SGCD: variants seen among roughly 807,000 people sequenced by gnomAD.
SGCD encodes sarcoglycan delta.
SGCD carries 18 observed loss-of-function variants against 36.6 expected under a neutral mutation model. The observed-to-expected ratio is 0.49, with a 90% CI of 0.34 to 0.73. SGCD has a LOEUF of 0.73. SGCD is among the 30% of genes least tolerant of loss of function. The probability of loss-of-function intolerance (pLI) is 0.01; values close to 1 mark genes in which losing one functional copy is unlikely to be tolerated. For missense variants in SGCD, 387 were observed against 346.7 expected (o/e 1.12, Z -0.92); for synonymous variants, 133 against 130.6 (o/e 1.02, Z -0.12).
intron 3 of SGCD, among the ~76,000 whole-genome samples, chr5:156,230,334 C>T (rs1037090345): frequency 2.6e-5 from 4 of 152,110 alleles, no homozygotes; most frequent in South Asian, 2.1e-4. Context: ...GGTTTAGGGC[C>T]GAAGGCTCTT....
the SGCD span, among the ~76,000 whole-genome samples, chr5:155,733,244 T>A: frequency 2.0e-5 from 3 of 152,110 alleles, no homozygotes; most frequent in Non-Finnish European, 4.4e-5. Context: ...TTATTAAGCT[T>A]TTGACTCCCT....
At chr5:156,027,999 A>G (rs1484002735) in intron 1 of SGCD, among the ~76,000 whole-genome samples, 1 of 152,208 alleles carries the variant, frequency 6.6e-6, no homozygotes, top group Non-Finnish European at 1.5e-5. Context: ...AGCTTCTTTA[A>G]TAAGATGTGA....
At chr5:156,332,239 A>G (rs1768104000) in intron 2 of SGCD, among the ~76,000 whole-genome samples, 1 of 152,334 alleles carries the variant, frequency 6.6e-6, no homozygotes, top group East Asian at 1.9e-4. Flanking sequence ...GGCTTGGACT[A>G]TAGGTACATT....
At chr5:156,555,696 G>C (rs1350928222) in intron 4 of SGCD, among the ~76,000 whole-genome samples, 2 of 148,746 alleles carry the variant, frequency 1.3e-5, no homozygotes, top group Non-Finnish European at 3.0e-5. Flanking sequence ...AGGTTGTTTT[G>C]ACTATTTGGG....
intron 3 of SGCD, among the ~76,000 whole-genome samples, chr5:156,426,035 C>G (rs1198292134): frequency 6.6e-6 from 1 of 152,058 alleles, no homozygotes; most frequent in East Asian, 1.9e-4. Context: ...GTGCATGGGT[C>G]TCTTTCATGT....
chr5:155,956,637 G>A (rs1451015138), intron 1 of SGCD, among the ~76,000 whole-genome samples: 2 of 152,090 alleles, frequency 1.3e-5, no homozygotes, highest in South Asian at 2.1e-4. Flanking sequence ...CAGCAGGGCC[G>A]TGCTCCCTTG....
At chr5:156,047,699 C>CATACAAGAGCTCTAATGGAAAT (rs1382819773) in intron 1 of SGCD, among the ~76,000 whole-genome samples, 1 of 152,092 alleles carries the variant, frequency 6.6e-6, no homozygotes, top group Non-Finnish European at 1.5e-5. Flanking sequence ...TGCACCTGGC[C>CATACAAGAGCTCTAATGGAAAT]ATACAAGAGC....
chr5:155,864,169 G>T, the SGCD span, among the ~76,000 whole-genome samples: 2 of 152,158 alleles, frequency 1.3e-5, no homozygotes, highest in Non-Finnish European at 2.9e-5. Context: ...AAGTACAAAA[G>T]GTCTGGTGTG....
At chr5:156,264,665 CACA>C (rs1361645171) in intron 3 of SGCD, among the ~76,000 whole-genome samples, 1 of 151,962 alleles carries the variant, frequency 6.6e-6, no homozygotes, top group East Asian at 1.9e-4. Context: ...AAGTACTTAG[CACA>C]ACAAGTATCA....
intron 3 of SGCD, among the ~76,000 whole-genome samples, chr5:156,372,122 A>G (rs938285855): frequency 6.6e-6 from 1 of 152,196 alleles, no homozygotes; most frequent in Non-Finnish European, 1.5e-5. Flanking sequence ...GACAGTGGTG[A>G]ATTTGCAGTT....
chr5:156,211,434 C>T (rs933125006), intron 3 of SGCD, among the ~76,000 whole-genome samples: 13 of 151,848 alleles, frequency 8.6e-5, no homozygotes, highest in Non-Finnish European at 1.9e-4. Flanking sequence ...AGTGAAACCC[C>T]GTCTCTACTA....
chr5:156,472,974 G>A (rs1308904566), intron 3 of SGCD, among the ~76,000 whole-genome samples: 1 of 152,126 alleles, frequency 6.6e-6, no homozygotes, highest in Non-Finnish European at 1.5e-5. Context: ...TATAATCTAT[G>A]TATTTCACTG....
At chr5:155,781,970 A>G in the SGCD span, among the ~76,000 whole-genome samples, 1 of 151,694 alleles carries the variant, frequency 6.6e-6, no homozygotes, top group Non-Finnish European at 1.5e-5. Context: ...GGATGGAGTA[A>G]CTACAGGTTT....
chr5:155,763,805 C>T, the SGCD span, among the ~76,000 whole-genome samples: 1 of 150,442 alleles, frequency 6.6e-6, no homozygotes, highest in Admixed American at 6.6e-5. Context: ...TGACCCCCCA[C>T]CAAAACCCTA....
At chr5:156,163,450 T>C (rs1258980252) in intron 3 of SGCD, among the ~76,000 whole-genome samples, 1 of 151,596 alleles carries the variant, frequency 6.6e-6, no homozygotes, top group African/African-American at 2.4e-5. Flanking sequence ...TAACCACACA[T>C]AATTTCCTCA....
chr5:156,422,723 G>A (rs1178710596), intron 3 of SGCD, among the ~76,000 whole-genome samples: 1 of 151,986 alleles, frequency 6.6e-6, no homozygotes, highest in Non-Finnish European at 1.5e-5. Context: ...CACAGTAGGT[G>A]CTTATCAACA....
chr5:155,898,528 C>T (rs244972), intron 1 of SGCD, among the ~76,000 whole-genome samples: 90,887 of 152,078 alleles, frequency 0.6, 28,441 homozygotes, highest in Non-Finnish European at 0.71. Context: ...GGAGCCACAG[C>T]AGTGAGTAAT....
At position 156,600,398 on chromosome 5, in the gene SGCD, T is replaced by C. The variant is rs538824527; in HGVS notation, c.502+5347T>C. Among the ~76,000 whole-genome samples the C allele has an allele frequency of 5.3e-5, 8 of 152,306 alleles. No individual in the cohort carries two copies. In the East Asian group the frequency reaches 1.3e-3, roughly 26 times the overall value. On this transcript the variant is annotated intron_variant, in intron 6 of 8. Coordinates refer to ENST00000337851, the MANE Select transcript of SGCD (RefSeq NM_000337.6). ...AAATCAACTTTTTTAAAATTCCACATATGAATGAGATCCTGTGGTATTTTT... is the reference window on the plus strand; with the variant it reads ...AAATCAACTTTTTTAAAATTCCACACATGAATGAGATCCTGTGGTATTTTT...
chr5:156,362,776 C>T (rs1302890729), intron 3 of SGCD, among the ~76,000 whole-genome samples: 1 of 152,188 alleles, frequency 6.6e-6, no homozygotes, highest in Non-Finnish European at 1.5e-5. Flanking sequence ...ATGACATATA[C>T]TCTATTTGCT....
Sources: allele counts gnomAD v4.1 joint callset (sites outside exome capture counted in the v4.1 genomes callset), GRCh38; gene constraint gnomAD v4.1.1; transcripts MANE v1.5; gene names NCBI Gene and HGNC (gene_info 2026-07-23, HGNC 2026-07-21).